MMS22L: variants seen among roughly 807,000 people sequenced by gnomAD.
The protein encoded by MMS22L is protein MMS22-like.
A neutral mutation model predicts 159.1 loss-of-function variants in MMS22L; 74 were observed. The observed-to-expected ratio is 0.47, with a 90% confidence interval of 0.39 to 0.56. The LOEUF is 0.56. Ranked by LOEUF, MMS22L falls within the 20% of genes least tolerant of loss-of-function variation. The probability of loss-of-function intolerance (pLI) is 0.00; values close to 1 mark genes in which losing one functional copy is unlikely to be tolerated. For synonymous variants in MMS22L, 517 were observed against 506.9 expected, an observed-to-expected ratio of 1.02 and a Z score of -0.27; for missense variants, 1,351 against 1,422.1, an observed-to-expected ratio of 0.95 and a Z score of 0.80.
intron 4 of MMS22L, among the ~76,000 whole-genome samples, chr6:97,276,381 A>G (rs1052946176): frequency 1.3e-5 from 2 of 152,216 alleles, no homozygotes; most frequent in Non-Finnish European, 2.9e-5. Flanking sequence ...AATAAGTGTA[A>G]TAATAATAAT....
intron 10 of MMS22L, among the ~76,000 whole-genome samples, chr6:97,250,725 T>G (rs1436305837): frequency 6.6e-6 from 1 of 152,188 alleles, no homozygotes; most frequent in Non-Finnish European, 1.5e-5. Flanking sequence ...AGGTTTACAT[T>G]TTAAACCTAT....
Position 97,207,859 on chromosome 6 carries a change from C to T in MMS22L, c.2039+21035G>A, listed in dbSNP as rs563811926. ...AATCATTGAAAATTTCCAACCTCTGCATTTATATGGCTGAAACTGAAGAAA... is the reference window on the plus strand; with the variant it reads ...AATCATTGAAAATTTCCAACCTCTGTATTTATATGGCTGAAACTGAAGAAA... On this transcript the variant is annotated intron_variant, in intron 14 of 24. Transcript: ENST00000683635. 2.0e-5 allele frequency among the ~76,000 whole-genome samples: 3 copies of T among 152,162 alleles called. No homozygotes were observed. The South Asian group carries it at 6.2e-4, about 32-fold the overall frequency.
chr6:97,161,532 T>C (rs1312594606), intron 22 of MMS22L, among the ~76,000 whole-genome samples: 1 of 151,948 alleles, frequency 6.6e-6, no homozygotes, highest in African/African-American at 2.4e-5. Flanking sequence ...AAGCAATCAC[T>C]GGAAGTAAGG....
intron 22 of MMS22L, among the ~76,000 whole-genome samples, chr6:97,161,158 T>G (rs1475420324): frequency 6.6e-6 from 1 of 152,092 alleles, no homozygotes; most frequent in East Asian, 1.9e-4. Flanking sequence ...AAATTGGGCT[T>G]TTTAAATAAT....
chr6:97,215,018 C>T (rs545509527), intron 14 of MMS22L, among the ~76,000 whole-genome samples: 1 of 149,950 alleles, frequency 6.7e-6, no homozygotes, highest in East Asian at 1.9e-4. Context: ...TGGATTAATC[C>T]TTGGTTCACT....
chr6:97,257,932 C>G (rs139213201), intron 9 of MMS22L, among the ~76,000 whole-genome samples: 141 of 152,294 alleles, frequency 9.3e-4, no homozygotes, highest in African/African-American at 3.1e-3. Flanking sequence ...GTTTTGTCCA[C>G]TACTTTAAGC....
At chr6:97,262,755 A>G (rs1346263333) in intron 9 of MMS22L, among the ~76,000 whole-genome samples, 1 of 152,134 alleles carries the variant, frequency 6.6e-6, no homozygotes, top group Non-Finnish European at 1.5e-5. Flanking sequence ...ACCCTTTCAT[A>G]TAACATAAAC....
Position 97,228,911 on chromosome 6 carries a change from A to C in MMS22L, c.2022T>G (p.Ala674=), listed in dbSNP as rs1810542145. Residue 674 remains alanine (A), a synonymous_variant, in exon 14 of 25, where the codon GCT becomes GCG. Transcript: ENST00000683635. ...ELRTVLSFLQ[A]VLARIRSMHQ... ...AACCATACCTGATTCTGGCCAGAAC[A>C]GCTTGTAGGAAGCTCAATACTGTCC... The C allele has an allele frequency of 1.2e-6, 2 of 1,613,028 alleles. No individual in the cohort carries two copies. The highest frequency in any genetic ancestry group is 1.1e-5 in the South Asian group (1 of 90,988).
In MMS22L at chr6:97,200,088, C is replaced by A. The variant is rs376135793; in HGVS notation, c.2040-13398G>T. 2.0e-5 allele frequency among the ~76,000 whole-genome samples: 3 copies of A among 152,166 alleles called. No homozygotes were observed. The East Asian group carries it at 5.8e-4, about 29-fold the overall frequency. The stretch of plus-strand genomic sequence containing the variant: ...GTAGTCAACAATCCAACTGTAACCT[C>A]ATGTACAAAATGCACTAACTTAGGA... On this transcript the variant is annotated intron_variant, in intron 14 of 24. Transcript: ENST00000683635.
At chr6:97,162,959 A>G (rs1401745291) in intron 21 of MMS22L, among the ~76,000 whole-genome samples, 1 of 151,914 alleles carries the variant, frequency 6.6e-6, no homozygotes, top group Non-Finnish European at 1.5e-5. Context: ...CCATATATAT[A>G]TATATTTGCA....
At position 97,176,651 on chromosome 6, in the gene MMS22L, C is replaced by A. The variant is rs529455795; in HGVS notation, c.2679+1792G>T. Among the ~76,000 whole-genome samples the A allele has an allele frequency of 4.6e-5, 7 of 152,224 alleles. No individual in the cohort carries two copies. The South Asian group carries it at 1.2e-3, about 27-fold the overall frequency. On this transcript the variant is annotated intron_variant, in intron 18 of 24. Transcript: ENST00000683635. Reference sequence around the variant, plus strand: ...GGCAAAGAGGGCATACGTGACCAGTCCCCAATAATAACCATGGGCACTGAG... The same window carrying A: ...GGCAAAGAGGGCATACGTGACCAGTACCCAATAATAACCATGGGCACTGAG...
chr6:97,281,214 A>G, intron 3 of MMS22L, 23 bp downstream of exon 3: 1 of 1,592,990 alleles, frequency 6.3e-7, no homozygotes, highest in African/African-American at 1.4e-5. Flanking sequence ...CTACACTCAC[A>G]GAAAGTTATA....
intron 9 of MMS22L, chr6:97,259,083 T>C (rs1342915398): frequency 6.6e-6 from 1 of 152,166 alleles, no homozygotes; most frequent in African/African-American, 2.4e-5. Context: ...CTTTCCAGTA[T>C]TTATTTGTGC....
intron 14 of MMS22L, among the ~76,000 whole-genome samples, chr6:97,222,959 A>G (rs1328013295): frequency 6.6e-6 from 1 of 152,152 alleles, no homozygotes; most frequent in African/African-American, 2.4e-5. Flanking sequence ...ATGTGATTCC[A>G]GAGAGGTAAT....
chr6:97,212,783 C>T (rs938349182), intron 14 of MMS22L, among the ~76,000 whole-genome samples: 2 of 151,956 alleles, frequency 1.3e-5, no homozygotes, highest in Non-Finnish European at 2.9e-5. Context: ...TTCACACATA[C>T]GAAATGACTG....
chr6:97,206,382 TAC>T (rs58135635), intron 14 of MMS22L, among the ~76,000 whole-genome samples: 10,147 of 146,692 alleles, frequency 0.069, 545 homozygotes, highest in African/African-American at 0.15. Flanking sequence ...ACCTCGCATG[TAC>T]ACACACACAC....
At chr6:97,246,114 G>A (rs1812612646) in intron 11 of MMS22L, 1 of 438,750 alleles carries the variant, frequency 2.3e-6, no homozygotes, top group African/African-American at 2.0e-5. Flanking sequence ...TTAAAAGGAG[G>A]TCAAGTCTGA....
chr6:97,283,954 G>T (rs1273464503), upstream of MMS22L, among the ~76,000 whole-genome samples: 1 of 151,818 alleles, frequency 6.6e-6, no homozygotes, highest in African/African-American at 2.4e-5. Flanking sequence ...TGTGAATCAG[G>T]AAAAATCACA....
intron 14 of MMS22L, among the ~76,000 whole-genome samples, chr6:97,212,693 G>C (rs1808518420): frequency 6.6e-6 from 1 of 152,136 alleles, no homozygotes; most frequent in African/African-American, 2.4e-5. Context: ...GCAGAGTCAG[G>C]ATTCAAATTC....
Sources: gnomAD v4.1 joint callset for allele counts (sites outside exome capture counted in the v4.1 genomes callset) on GRCh38, gnomAD v4.1.1 for gene constraint, MANE v1.5 for transcripts, NCBI Gene and HGNC (gene_info 2026-07-23, HGNC 2026-07-21) for gene names.